ITGA1: variants seen among roughly 807,000 people sequenced by gnomAD.
The protein encoded by ITGA1 is integrin subunit alpha 1, also known as integrin alpha-1.
A neutral mutation model predicts 145.9 loss-of-function variants in ITGA1; 85 were observed. The ratio of observed to expected loss-of-function variants is 0.58; its 90% CI spans 0.49 to 0.70. ITGA1 has a LOEUF of 0.70. Among genes scored for constraint, ITGA1 ranks in the 30% least tolerant of loss-of-function variants. The pLI, the probability that ITGA1 is intolerant of heterozygous loss-of-function variation, is 0.00. For missense variants in ITGA1, 1,351 were observed against 1,418.7 expected (o/e 0.95, Z 0.77); for synonymous variants, 520 against 495.3 (o/e 1.05, Z -0.66).
Position 52,788,197 on chromosome 5 carries a change from A to C in ITGA1, c.-157A>C. 1 of 502,778 alleles carries C rather than the reference A, an allele frequency of 2.0e-6. No individual in the cohort carries two copies. Among genetic ancestry groups the C allele is most frequent in the Non-Finnish European group, 3.5e-6 (1 of 289,624 alleles). 31.1% of individuals were successfully genotyped at this position (502,778 alleles called of 1,614,324 possible). A position where few individuals can be genotyped will look rare whatever the true frequency, so the allele number is the denominator to read the frequency against. ...AGAGGAATTCGACGAAAACACAGGAAATCACTCCTCTCCCGCTCCTGGGCG... is the reference window on the plus strand; with the variant it reads ...AGAGGAATTCGACGAAAACACAGGACATCACTCCTCTCCCGCTCCTGGGCG... On this transcript the variant is annotated 5_prime_UTR_variant, in exon 1 of 29. Transcript: ENST00000282588.
chr5:52,955,279 T>C lies in ITGA1; in HGVS notation c.*2828T>C, dbSNP rs1751285969. Reference sequence around the variant, plus strand: ...AGCTTACAAAATTCCTGGAAATGTATCTGCCACCTCTTACCAACCAGTGTG... The same window carrying C: ...AGCTTACAAAATTCCTGGAAATGTACCTGCCACCTCTTACCAACCAGTGTG... On this transcript the variant is annotated 3_prime_UTR_variant, in exon 29 of 29. Coordinates refer to ENST00000282588, the MANE Select transcript of ITGA1 (RefSeq NM_181501.2). 1 of 152,140 alleles carries C rather than the reference T, an allele frequency of 6.6e-6. No individual in the cohort carries two copies. Among genetic ancestry groups the C allele is most frequent in the African/African-American group, 2.4e-5 (1 of 41,416 alleles). The allele number at this position is 152,140 out of a possible 1,614,324, so 9.4% of individuals were successfully genotyped here. A position where few individuals can be genotyped will look rare whatever the true frequency, so the allele number is the denominator to read the frequency against.
At chr5:52,811,348 A>G (rs1748681150) in intron 1 of ITGA1, among the ~76,000 whole-genome samples, 2 of 152,192 alleles carry the variant, frequency 1.3e-5, no homozygotes, top group Admixed American at 1.3e-4. Flanking sequence ...TGACTTCATA[A>G]TCTCTCTTGC....
intron 1 of ITGA1, among the ~76,000 whole-genome samples, chr5:52,822,417 C>T (rs1748893429): frequency 6.6e-6 from 1 of 152,220 alleles, no homozygotes; most frequent in Admixed American, 6.5e-5. Context: ...TGCCTCTCTT[C>T]TTCCTCCCAC....
intron 6 of ITGA1, among the ~76,000 whole-genome samples, chr5:52,876,433 C>T (rs1749866878): frequency 1.3e-5 from 2 of 152,196 alleles, no homozygotes; most frequent in Non-Finnish European, 2.9e-5. Flanking sequence ...ACACCTTACT[C>T]TTTCTGGTTC....
intron 1 of ITGA1, chr5:52,801,007 A>C (rs1353210668): frequency 3.1e-6 from 5 of 1,614,232 alleles, no homozygotes; most frequent in Non-Finnish European, 4.2e-6. Flanking sequence ...TGTAAAGTGC[A>C]TCCTGGTGGC....
intron 19 of ITGA1, among the ~76,000 whole-genome samples, chr5:52,925,935 T>G (rs1460587049): frequency 6.6e-6 from 1 of 152,076 alleles, no homozygotes; most frequent in Admixed American, 6.5e-5. Flanking sequence ...TAAATAACTG[T>G]GTCTTATTGA....
intron 9 of ITGA1, among the ~76,000 whole-genome samples, chr5:52,894,958 C>T (rs768670192): frequency 3.9e-5 from 6 of 151,964 alleles, no homozygotes; most frequent in Admixed American, 1.3e-4. Flanking sequence ...GTGTGACTCA[C>T]GATAATAACT....
chr5:52,916,329 G>T (rs1002234306), intron 15 of ITGA1, among the ~76,000 whole-genome samples: 2 of 151,412 alleles, frequency 1.3e-5, no homozygotes, highest in African/African-American at 4.9e-5. Context: ...TAAAGGAAGG[G>T]TTTCATAAAT....
At chr5:52,845,341 T>C (rs1473441668) in intron 1 of ITGA1, among the ~76,000 whole-genome samples, 1 of 152,196 alleles carries the variant, frequency 6.6e-6, no homozygotes, top group Non-Finnish European at 1.5e-5. Flanking sequence ...CCATTACCTG[T>C]ATTGACATTA....
intron 1 of ITGA1, among the ~76,000 whole-genome samples, chr5:52,820,878 T>A (rs753995798): frequency 3.2e-4 from 48 of 152,170 alleles, no homozygotes; most frequent in Non-Finnish European, 5.7e-4. Context: ...GTTTCCCCAA[T>A]TTAAGGTTGT....
At chr5:52,935,050 A>G (rs539829313) in intron 23 of ITGA1, among the ~76,000 whole-genome samples, 1 of 152,084 alleles carries the variant, frequency 6.6e-6, no homozygotes, top group Non-Finnish European at 1.5e-5. Context: ...AAACAAAAAG[A>G]CTTTGTTGCA....
intron 1 of ITGA1, among the ~76,000 whole-genome samples, chr5:52,819,903 G>A (rs990107034): frequency 2.0e-5 from 3 of 152,068 alleles, no homozygotes; most frequent in Non-Finnish European, 4.4e-5. Context: ...ATTAAATAGG[G>A]AATCCTTTCC....
intron 2 of ITGA1, among the ~76,000 whole-genome samples, chr5:52,861,178 TAC>T (rs1204727240): frequency 1.3e-5 from 2 of 152,162 alleles, no homozygotes; most frequent in Non-Finnish European, 2.9e-5. Flanking sequence ...TACATGTATA[TAC>T]ACACATATAT....
chr5:52,788,966 A>G (rs555594831), intron 1 of ITGA1, among the ~76,000 whole-genome samples: 110 of 152,342 alleles, frequency 7.2e-4, no homozygotes, highest in African/African-American at 2.6e-3. Flanking sequence ...AGCACCCAAG[A>G]GGAGGGATAT....
At chr5:52,946,557 T>C (rs1030329579) in intron 27 of ITGA1, among the ~76,000 whole-genome samples, 2 of 152,150 alleles carry the variant, frequency 1.3e-5, no homozygotes, top group East Asian at 1.9e-4. Flanking sequence ...GAAATTGAGG[T>C]GTTACTGTTA....
At chr5:52,830,096 C>T (rs553660069) in intron 1 of ITGA1, among the ~76,000 whole-genome samples, 1 of 151,906 alleles carries the variant, frequency 6.6e-6, no homozygotes, top group Admixed American at 6.6e-5. Flanking sequence ...TATTTGAGTC[C>T]CTAAACATAA....
At chr5:52,927,737 T>C in intron 20 of ITGA1, 73 bp downstream of exon 20, 2 of 968,674 alleles carry the variant, frequency 2.1e-6, no homozygotes, top group Non-Finnish European at 3.2e-6. Flanking sequence ...AATATATAAA[T>C]CCTTCCAATG....
rs1416342442 is a variant in ITGA1, at chr5:52,865,964, TA to T, written c.624+152del. The T allele has an allele frequency of 8.1e-6, 5 of 618,116 alleles. No individual in the cohort carries two copies. The Admixed American group carries it at 1.2e-4, about 15-fold the overall frequency. 38.3% of individuals were successfully genotyped at this position (618,116 alleles called of 1,614,324 possible). On this transcript the variant is annotated intron_variant, in intron 6 of 28. Coordinates refer to ENST00000282588, the MANE Select transcript of ITGA1 (RefSeq NM_181501.2). ...ATCCATTTCCTGTTCTTATTTCTGATAAAAAGGACATTACTTTAAGCTGTGT... is the reference window on the plus strand; with the variant it reads ...ATCCATTTCCTGTTCTTATTTCTGATAAAAGGACATTACTTTAAGCTGTGT...
intron 6 of ITGA1, among the ~76,000 whole-genome samples, chr5:52,868,167 A>C (rs964452432): frequency 6.6e-6 from 1 of 152,302 alleles, no homozygotes; most frequent in African/African-American, 2.4e-5. Context: ...AACATGCTTG[A>C]AATATTTTTT....
Sources: allele counts gnomAD v4.1 joint callset (sites outside exome capture counted in the v4.1 genomes callset), GRCh38; gene constraint gnomAD v4.1.1; transcripts MANE v1.5; gene names NCBI Gene and HGNC (gene_info 2026-07-23, HGNC 2026-07-21).